The following ERC1 variants were observed in gnomAD, a reference collection of about 807,000 sequenced individuals.
ERC1 encodes RAB6 interacting protein 2.
ERC1 carries 56 observed loss-of-function variants against 132.0 expected under a neutral mutation model. That is an observed-to-expected ratio of 0.42 (90% CI 0.34 to 0.53). The LOEUF is 0.53. Among genes scored for constraint, ERC1 ranks in the 20% least tolerant of loss-of-function variants. The pLI, the probability that ERC1 is intolerant of heterozygous loss-of-function variation, is 0.03. For missense variants in ERC1, 1,202 were observed against 1,349.9 expected (o/e 0.89, Z 1.72); for synonymous variants, 478 against 476.1 (o/e 1.00, Z -0.05).
chr12:1,440,493 A>C (rs992415229), intron 17 of ERC1, among the ~76,000 whole-genome samples: 1 of 138,260 alleles, frequency 7.2e-6, no homozygotes, highest in Admixed American at 7.3e-5. Context: ...GGTGTGAGCC[A>C]CCGCGCCCGG....
chr12:1,329,973 AT>A (rs1313440594), intron 15 of ERC1, among the ~76,000 whole-genome samples: 1 of 152,192 alleles, frequency 6.6e-6, no homozygotes, highest in Non-Finnish European at 1.5e-5. Flanking sequence ...ATGGAAGTAA[AT>A]TATAAAAGCT....
At chr12:1,252,268 G>T (rs138197173) in intron 13 of ERC1, among the ~76,000 whole-genome samples, 2 of 152,170 alleles carry the variant, frequency 1.3e-5, no homozygotes, top group African/African-American at 2.4e-5. Context: ...TATGCAAATA[G>T]TCCATTTTCT....
chr12:1,454,966 C>A (rs7978456), intron 18 of ERC1, among the ~76,000 whole-genome samples: 5 of 151,926 alleles, frequency 3.3e-5, no homozygotes, highest in Non-Finnish European at 5.9e-5. Flanking sequence ...TTTTTAGGGG[C>A]CTAAGCCCTA....
At position 1,183,287 on chromosome 12, in the gene ERC1, C is replaced by A; in HGVS notation, c.2023C>A (p.Leu675Ile). ...QGDLSEKEASLLDLKEHASSL... is the reference protein window; with the variant it reads ...QGDLSEKEASILDLKEHASSL... Reference sequence around the variant, plus strand: ...TGTGTGTTCCTTCTTTTAGGCTTCACTTTTGGATCTGAAAGAGCATGCTTC... The same window carrying A: ...TGTGTGTTCCTTCTTTTAGGCTTCAATTTTGGATCTGAAAGAGCATGCTTC... The change falls in exon 11 of 19, where the codon CTT (leucine) becomes ATT (isoleucine). Residue 675 changes from leucine to isoleucine, a missense_variant. Transcript: ENST00000360905. 6.4e-7 allele frequency: 1 copy of A among 1,556,376 alleles called. No individual in the cohort carries two copies. Among genetic ancestry groups the A allele is most frequent in the Non-Finnish European group, 8.7e-7 (1 of 1,144,888 alleles).
At chr12:1,450,987 A>G (rs755213082) in intron 18 of ERC1, among the ~76,000 whole-genome samples, 7 of 152,118 alleles carry the variant, frequency 4.6e-5, no homozygotes, top group Admixed American at 2.0e-4. Flanking sequence ...TTCTCAGCCT[A>G]TTTTTAAATC....
intron 8 of ERC1, among the ~76,000 whole-genome samples, chr12:1,146,939 C>A (rs1022983026): frequency 6.6e-6 from 1 of 152,134 alleles, no homozygotes; most frequent in Non-Finnish European, 1.5e-5. Flanking sequence ...CATGTCCTTA[C>A]AAAGGACACA....
At chr12:1,263,270 T>G (rs2077257963) in intron 14 of ERC1, 105 bp downstream of exon 14, 1 of 1,095,514 alleles carries the variant, frequency 9.1e-7, no homozygotes, top group African/African-American at 1.6e-5. Flanking sequence ...TTTATAGGGT[T>G]TCAAAAACAC....
intron 1 of ERC1, among the ~76,000 whole-genome samples, chr12:1,022,003 T>C (rs1846746503): frequency 6.6e-6 from 1 of 152,244 alleles, no homozygotes; most frequent in African/African-American, 2.4e-5. Context: ...ACATTACTTA[T>C]GTTTACTTTA....
chr12:1,242,896 A>G (rs920991687), intron 13 of ERC1, among the ~76,000 whole-genome samples: 3 of 152,252 alleles, frequency 2.0e-5, no homozygotes, highest in Admixed American at 2.0e-4. Context: ...TGGGTATTAG[A>G]AGAAATCGAG....
Position 1,117,520 on chromosome 12 carries a change from C to G in ERC1, c.1569+1487C>G, listed in dbSNP as rs531934988. ...TGCAGTAGTGGCTAAGGCTTTGGCT[C>G]TAGAGTCATGTTTACTGAGTTTGGA... On this transcript the variant is annotated intron_variant, in intron 7 of 18. Coordinates refer to ENST00000360905, the MANE Select transcript of ERC1 (RefSeq NM_178040.4). Among the ~76,000 whole-genome samples, 22 of 152,272 alleles carry G rather than the reference C, an allele frequency of 1.4e-4. No individual in the cohort carries two copies. The South Asian group carries it at 4.4e-3, about 30-fold the overall frequency.
intron 8 of ERC1, among the ~76,000 whole-genome samples, chr12:1,143,465 A>G (rs796139170): frequency 8.0e-5 from 12 of 149,834 alleles, no homozygotes; most frequent in African/African-American, 2.9e-4. Context: ...AATATTTCTT[A>G]TTTTCTAGTG....
intron 15 of ERC1, among the ~76,000 whole-genome samples, chr12:1,316,252 T>A (rs996139637): frequency 2.0e-5 from 3 of 152,190 alleles, no homozygotes; most frequent in Admixed American, 2.0e-4. Context: ...CTATTAAATA[T>A]ATGAGAAGCT....
chr12:1,059,246 G>A (rs77668528), intron 2 of ERC1, among the ~76,000 whole-genome samples: 1 of 152,248 alleles, frequency 6.6e-6, no homozygotes, highest in East Asian at 1.9e-4. Context: ...GGAGTCTTTA[G>A]GTTTTTCTAG....
intron 7 of ERC1, among the ~76,000 whole-genome samples, chr12:1,116,483 G>A (rs1946455365): frequency 6.6e-6 from 1 of 152,070 alleles, no homozygotes; most frequent in African/African-American, 2.4e-5. Context: ...ATCTGTTAAA[G>A]TTCTAGATAG....
intron 14 of ERC1, among the ~76,000 whole-genome samples, chr12:1,270,334 A>G (rs2077748604): frequency 1.3e-5 from 2 of 152,186 alleles, no homozygotes; most frequent in Admixed American, 1.3e-4. Flanking sequence ...CAGCCTCCCA[A>G]GTAGCTGGGA....
intron 8 of ERC1, among the ~76,000 whole-genome samples, chr12:1,180,278 TGTGTGC>T (rs939270447): frequency 2.7e-4 from 39 of 145,884 alleles, no homozygotes; most frequent in South Asian, 1.5e-3. Context: ...TGTGTGTGTG[TGTGTGC>T]GCGCACGCGT....
rs141663530 is a variant in ERC1, at chr12:1,182,763, G to A, written c.2017-518G>A. 1.4e-3 allele frequency among the ~76,000 whole-genome samples: 213 copies of A among 151,922 alleles called. 2 individuals are homozygous for A. The highest frequency in any genetic ancestry group is 4.7e-3 in the African/African-American group (195 of 41,404). ...TGCAGTCTTGAACTCCTGGGCCCAA[G>A]GGATCTTCCTATTTCAGTCTTCCAT... On this transcript the variant is annotated intron_variant, in intron 10 of 18. Coordinates refer to ENST00000360905, the MANE Select transcript of ERC1 (RefSeq NM_178040.4).
intron 18 of ERC1, among the ~76,000 whole-genome samples, chr12:1,488,510 A>ACTCC (rs1592377381): frequency 2.6e-5 from 4 of 151,988 alleles, no homozygotes; most frequent in South Asian, 4.1e-4. Context: ...GGCAATATAG[A>ACTCC]CTCCCATCTC....
At chr12:1,264,226 C>G (rs1372975046) in intron 14 of ERC1, among the ~76,000 whole-genome samples, 1 of 152,110 alleles carries the variant, frequency 6.6e-6, no homozygotes, top group Admixed American at 6.5e-5. Flanking sequence ...TTACATATAT[C>G]CTGCATCTTT....
Sources: allele counts gnomAD v4.1 joint callset (sites outside exome capture counted in the v4.1 genomes callset), GRCh38; gene constraint gnomAD v4.1.1; transcripts MANE v1.5; gene names NCBI Gene and HGNC (gene_info 2026-07-23, HGNC 2026-07-21).